Variants in DEPDC1B observed in about 807,000 individuals in gnomAD.
DEPDC1B encodes the protein DEP domain-containing protein 1B.
In DEPDC1B, 51 loss-of-function variants were observed where a neutral mutation model predicts 66.5. The observed-to-expected ratio is 0.77, with a 90% CI of 0.61 to 0.97. The LOEUF (loss-of-function observed/expected upper bound fraction) is 0.97. DEPDC1B is among the 50% of genes least tolerant of loss of function. The pLI is 0.00. For missense variants in DEPDC1B, 552 were observed against 637.1 expected (o/e 0.87, Z 1.44); for synonymous variants, 226 against 223.6 (o/e 1.01, Z -0.10).
At chr5:60,601,598 T>G (rs1274226972) in intron 9 of DEPDC1B, among the ~76,000 whole-genome samples, 1 of 152,220 alleles carries the variant, frequency 6.6e-6, no homozygotes, top group African/African-American at 2.4e-5. Flanking sequence ...AAATATTTAC[T>G]GCTATATTGC....
intron 7 of DEPDC1B, among the ~76,000 whole-genome samples, chr5:60,614,927 G>A (rs1752507220): frequency 6.6e-6 from 1 of 152,166 alleles, no homozygotes; most frequent in African/African-American, 2.4e-5. Context: ...GGAAGCAGAG[G>A]TTGCTGTCAG....
chr5:60,671,743 C>T (rs1224533660), intron 2 of DEPDC1B, among the ~76,000 whole-genome samples: 2 of 152,214 alleles, frequency 1.3e-5, no homozygotes, highest in Non-Finnish European at 2.9e-5. Flanking sequence ...CTCTTGGCAT[C>T]TGCTTCTCTT....
Position 60,638,751 on chromosome 5 carries a change from C to T in DEPDC1B, c.897G>A (p.Leu299=). ...FHLFDAFVSV[L]GLLQKEKVAV... ...TATGTTCATTATATTCCAACTTACC[C>T]AGTACACTGACAAAAGCATCAAAAA... The change falls in exon 7 of 11, where the codon CTG becomes CTA. Residue 299 remains leucine (L), a splice_region_variant and synonymous_variant. Coordinates refer to ENST00000265036, the MANE Select transcript of DEPDC1B (RefSeq NM_018369.3). 6.2e-7 allele frequency: 1 copy of T among 1,608,342 alleles called. No individual in the cohort carries two copies. The highest frequency in any genetic ancestry group is 8.5e-7 in the Non-Finnish European group (1 of 1,177,932).
At chr5:60,664,038 A>T (rs987529275) in intron 2 of DEPDC1B, among the ~76,000 whole-genome samples, 1 of 152,218 alleles carries the variant, frequency 6.6e-6, no homozygotes, top group South Asian at 2.1e-4. Context: ...TATACACACT[A>T]ATTAAGGAAA....
intron 7 of DEPDC1B, among the ~76,000 whole-genome samples, chr5:60,620,120 AC>A (rs1484707013): frequency 6.6e-6 from 1 of 152,202 alleles, no homozygotes; most frequent in Non-Finnish European, 1.5e-5. Context: ...CCTTCCTTAC[AC>A]CTTATACAAA....
intron 1 of DEPDC1B, 39 bp from the exon 2 acceptor site, chr5:60,687,266 G>T: frequency 3.2e-6 from 5 of 1,563,158 alleles, no homozygotes; most frequent in Non-Finnish European, 4.3e-6. Context: ...GTAATCAACT[G>T]ATTTTTTTAA....
intron 3 of DEPDC1B, 77 bp downstream of exon 3, chr5:60,647,321 C>T (rs1275724981): frequency 6.7e-7 from 1 of 1,493,112 alleles, no homozygotes; most frequent in Non-Finnish European, 8.9e-7. Context: ...TAAAGGACCA[C>T]AGAAAGACCA....
chr5:60,625,343 A>C (rs1752788805), intron 7 of DEPDC1B, among the ~76,000 whole-genome samples: 1 of 152,190 alleles, frequency 6.6e-6, no homozygotes, highest in South Asian at 2.1e-4. Context: ...TGGCTGAGCT[A>C]ATTTACACTT....
chr5:60,695,181 T>G (rs539947778), intron 1 of DEPDC1B, among the ~76,000 whole-genome samples: 1 of 152,294 alleles, frequency 6.6e-6, no homozygotes, highest in Admixed American at 6.5e-5. Flanking sequence ...CTTGCGTTGC[T>G]GTAAAGAAAT....
chr5:60,614,478 A>G (rs1189004867), intron 7 of DEPDC1B, among the ~76,000 whole-genome samples: 1 of 152,138 alleles, frequency 6.6e-6, no homozygotes, highest in Non-Finnish European at 1.5e-5. Context: ...ATGTGCCCCA[A>G]CACCCTGCTA....
At position 60,599,138 on chromosome 5, in the gene DEPDC1B, C is replaced by A; in HGVS notation, c.1365G>T (p.Leu455Phe). The change falls in exon 10 of 11, where the codon TTG becomes TTT. Residue 455 changes from leucine to phenylalanine, a missense_variant. Coordinates refer to ENST00000265036, the MANE Select transcript of DEPDC1B (RefSeq NM_018369.3). ...SYGSQEPLAA[L>F]LEEVITDAKL... ...TGGCATCTGTTATGACTTCCTCCAA[C>A]AAGGCTGCCAGAGGTTCCTGAGAGC... 6.2e-7 allele frequency: 1 copy of A among 1,613,232 alleles called. No individual in the cohort carries two copies. Among genetic ancestry groups the A allele is most frequent in the Non-Finnish European group, 8.5e-7 (1 of 1,179,626 alleles).
At chr5:60,691,631 G>A (rs1332587082) in intron 1 of DEPDC1B, among the ~76,000 whole-genome samples, 2 of 150,156 alleles carry the variant, frequency 1.3e-5, no homozygotes, top group East Asian at 3.9e-4. Flanking sequence ...ATAAGAAAAA[G>A]ACATTCCAAT....
At chr5:60,698,465 G>A (rs1478268051) in intron 1 of DEPDC1B, among the ~76,000 whole-genome samples, 1 of 152,186 alleles carries the variant, frequency 6.6e-6, no homozygotes, top group Non-Finnish European at 1.5e-5. Context: ...ATCTGGCCCA[G>A]GTAACAGCCA....
chr5:60,687,220 T>A lies in DEPDC1B; in HGVS notation c.56A>T (p.Glu19Val), dbSNP rs1314228432. The A allele has an allele frequency of 1.6e-5, 25 of 1,607,996 alleles. No homozygotes were observed. Among genetic ancestry groups the A allele is most frequent in the Non-Finnish European group, 2.1e-5 (25 of 1,174,830 alleles). ...CTTAGCACGAAAAAGCTCCACGGTC[T>A]CATTCCACTAGGGGAAAGAAAGAGA... ...GPYRATRLWN[E>V]TVELFRAKMP... Residue 19 changes from glutamate to valine, a missense_variant, in exon 2 of 11, where the codon GAG becomes GTG. By Grantham distance (121) the Glu-to-Val change is moderately radical (BLOSUM62 -2). Coordinates refer to ENST00000265036, the MANE Select transcript of DEPDC1B (RefSeq NM_018369.3).
rs752931355 is a variant in DEPDC1B, at chr5:60,687,027, G to A, written c.249C>T (p.His83=). The change falls in exon 2 of 11, where the codon CAC becomes CAT. Residue 83 remains histidine, a synonymous_variant. Coordinates refer to ENST00000265036, the MANE Select transcript of DEPDC1B (RefSeq NM_018369.3). ...VQLLKKFLKN[H]VIEDIKGKWG... ...ATTTTCCCTTGATGTCTTCAATAAC[G>A]TGATTCTTCAGGAATTTTTTTAGCA... 3.1e-6 allele frequency: 5 copies of A among 1,614,152 alleles called. No individual in the cohort carries two copies. The highest frequency in any genetic ancestry group is 1.6e-4 in the Middle Eastern group (1 of 6,062).
chr5:60,682,886 T>C (rs1338971635), intron 2 of DEPDC1B, among the ~76,000 whole-genome samples: 1 of 152,172 alleles, frequency 6.6e-6, no homozygotes, highest in African/African-American at 2.4e-5. Context: ...TATCAATTCT[T>C]ATCAAATTAT....
intron 1 of DEPDC1B, among the ~76,000 whole-genome samples, chr5:60,698,221 G>A (rs1754699283): frequency 6.6e-6 from 1 of 152,210 alleles, no homozygotes; most frequent in South Asian, 2.1e-4. Context: ...ACTGTATAGA[G>A]TGTTCGCAAA....
At chr5:60,694,297 T>C (rs1754611201) in intron 1 of DEPDC1B, among the ~76,000 whole-genome samples, 4 of 152,222 alleles carry the variant, frequency 2.6e-5, no homozygotes, top group Admixed American at 2.6e-4. Flanking sequence ...GCGTCATACC[T>C]GCAGATCTAG....
chr5:60,635,928 A>T (rs556497416), intron 7 of DEPDC1B, among the ~76,000 whole-genome samples: 13 of 152,340 alleles, frequency 8.5e-5, no homozygotes, highest in Non-Finnish European at 1.5e-4. Context: ...ACAGATGAAC[A>T]GTGTGGGTTC....
Sources: gnomAD v4.1 joint callset for allele counts (sites outside exome capture counted in the v4.1 genomes callset) on GRCh38, gnomAD v4.1.1 for gene constraint, MANE v1.5 for transcripts, NCBI Gene and HGNC (gene_info 2026-07-23, HGNC 2026-07-21) for gene names.